MBD5: variants seen among roughly 807,000 people sequenced by gnomAD.
MBD5 encodes methyl-CpG-binding domain protein 5.
Under a neutral mutation model 117.3 loss-of-function variants are expected in MBD5, and 13 were observed. The observed-to-expected ratio is 0.11, with a 90% CI of 0.07 to 0.18. The LOEUF (loss-of-function observed/expected upper bound fraction) is 0.18. Ranked by LOEUF, MBD5 falls within the 10% of genes least tolerant of loss-of-function variation. The pLI is 1.00. For synonymous variants in MBD5, 727 were observed against 766.4 expected (o/e 0.95, Z 0.85); for missense variants, 1,879 against 2,093.8 (o/e 0.90, Z 2.00).
At chr2:148,332,550 G>T (rs1172869493) in intron 3 of MBD5, among the ~76,000 whole-genome samples, 1 of 152,104 alleles carries the variant, frequency 6.6e-6, no homozygotes, top group African/African-American at 2.4e-5. Context: ...ACTGACATTT[G>T]ATTGATATTG....
At chr2:148,266,007 G>GGA (rs369391677) in intron 3 of MBD5, among the ~76,000 whole-genome samples, 1 of 151,900 alleles carries the variant, frequency 6.6e-6, no homozygotes, top group Non-Finnish European at 1.5e-5. Flanking sequence ...AGATTGGGGT[G>GGA]GAGAGAGAGA....
At chr2:148,202,176 GACAA>G (rs1203429846) in intron 2 of MBD5, among the ~76,000 whole-genome samples, 2 of 152,126 alleles carry the variant, frequency 1.3e-5, no homozygotes, top group East Asian at 3.9e-4. Flanking sequence ...TATTAGGGAA[GACAA>G]ACAATAAACA....
chr2:148,498,160 T>A (rs987172324), intron 11 of MBD5, among the ~76,000 whole-genome samples: 1 of 152,226 alleles, frequency 6.6e-6, no homozygotes, highest in Admixed American at 6.5e-5. Flanking sequence ...AGGTCAACTC[T>A]GTTATAAGAT....
chr2:148,324,049 C>A (rs1049389158), intron 3 of MBD5, among the ~76,000 whole-genome samples: 5 of 152,092 alleles, frequency 3.3e-5, no homozygotes, highest in Non-Finnish European at 7.4e-5. Flanking sequence ...CCAGTTACAG[C>A]TTTTTACATA....
intron 4 of MBD5, among the ~76,000 whole-genome samples, chr2:148,381,630 A>G (rs1270594293): frequency 2.6e-5 from 4 of 152,184 alleles, no homozygotes; most frequent in Non-Finnish European, 5.9e-5. Flanking sequence ...ACTCCTTGAG[A>G]AGAGCAACTC....
chr2:148,186,176 G>T (rs1193724155), intron 2 of MBD5, among the ~76,000 whole-genome samples: 1 of 152,164 alleles, frequency 6.6e-6, no homozygotes, highest in African/African-American at 2.4e-5. Context: ...GGGACCCAAT[G>T]AGAGGTAATT....
At chr2:148,229,977 A>G (rs754284564) in intron 2 of MBD5, among the ~76,000 whole-genome samples, 2 of 152,156 alleles carry the variant, frequency 1.3e-5, no homozygotes, top group Admixed American at 6.5e-5. Context: ...CGTCACCACT[A>G]GAACTGTACT....
At chr2:148,301,734 G>A (rs763142174) in intron 3 of MBD5, among the ~76,000 whole-genome samples, 14 of 152,118 alleles carry the variant, frequency 9.2e-5, no homozygotes, top group Non-Finnish European at 2.9e-5. Flanking sequence ...TATATTTGCT[G>A]GAGTTGTACA....
chr2:148,033,605 A>C (rs1323155500), intron 1 of MBD5, among the ~76,000 whole-genome samples: 2 of 152,224 alleles, frequency 1.3e-5, no homozygotes, highest in Non-Finnish European at 2.9e-5. Context: ...TAATTGATTA[A>C]GCAACTTTTA....
chr2:148,430,564 A>G (rs1162447534), intron 4 of MBD5, among the ~76,000 whole-genome samples: 1 of 152,068 alleles, frequency 6.6e-6, no homozygotes, highest in Non-Finnish European at 1.5e-5. Context: ...TCCATTTTTG[A>G]GAAATGTTTG....
chr2:148,454,410 A>C (rs991883488), intron 4 of MBD5, among the ~76,000 whole-genome samples: 1 of 152,218 alleles, frequency 6.6e-6, no homozygotes, highest in African/African-American at 2.4e-5. Context: ...TGCAACAGAG[A>C]TAGATCTAGG....
At chr2:148,199,278 T>C (rs1699074770) in intron 2 of MBD5, among the ~76,000 whole-genome samples, 3 of 152,140 alleles carry the variant, frequency 2.0e-5, no homozygotes, top group African/African-American at 7.2e-5. Flanking sequence ...TTAACCCCAG[T>C]ATTGTTTAAC....
At chr2:148,079,403 C>T (rs1695586759) in intron 1 of MBD5, among the ~76,000 whole-genome samples, 1 of 152,144 alleles carries the variant, frequency 6.6e-6, no homozygotes, top group Non-Finnish European at 1.5e-5. Context: ...TTTGATAATA[C>T]AAACTAGAGA....
chr2:148,367,814 A>C (rs181141204), intron 4 of MBD5, among the ~76,000 whole-genome samples: 3,030 of 152,308 alleles, frequency 0.02, 110 homozygotes, highest in African/African-American at 0.07. Flanking sequence ...CAATTATTAA[A>C]AAGTCAGGAA....
At chr2:148,392,948 T>C (rs1559052412) in intron 4 of MBD5, among the ~76,000 whole-genome samples, 1 of 152,166 alleles carries the variant, frequency 6.6e-6, no homozygotes, top group Non-Finnish European at 1.5e-5. Flanking sequence ...TTAATGTCAT[T>C]GCAAATTGGA....
At chr2:148,115,832 A>G (rs182496850) in intron 1 of MBD5, among the ~76,000 whole-genome samples, 2 of 152,022 alleles carry the variant, frequency 1.3e-5, no homozygotes, top group Admixed American at 6.6e-5. Context: ...AGATCTTATC[A>G]TTTTTATTTT....
At chr2:148,409,407 A>G (rs1705185546) in intron 4 of MBD5, among the ~76,000 whole-genome samples, 1 of 151,118 alleles carries the variant, frequency 6.6e-6, no homozygotes, top group African/African-American at 2.4e-5. Context: ...GAAAGAAAGA[A>G]AGAAAGAAAG....
intron 3 of MBD5, among the ~76,000 whole-genome samples, chr2:148,323,904 G>T (rs1263462142): frequency 1.3e-5 from 2 of 152,224 alleles, no homozygotes; most frequent in East Asian, 1.9e-4. Flanking sequence ...GTTTTAGACA[G>T]GAAGTCCTTG....
At chr2:148,256,242 G>A (rs746842870) in intron 3 of MBD5, among the ~76,000 whole-genome samples, 14 of 152,322 alleles carry the variant, frequency 9.2e-5, no homozygotes, top group Non-Finnish European at 1.5e-4. Context: ...ACCCCAATGC[G>A]TATTGACCTG....
Sources: allele counts gnomAD v4.1 joint callset (sites outside exome capture counted in the v4.1 genomes callset), GRCh38; gene constraint gnomAD v4.1.1; transcripts MANE v1.5; gene names NCBI Gene and HGNC (gene_info 2026-07-23, HGNC 2026-07-21).